Variants in ANKHD1 observed in about 807,000 individuals in gnomAD.
The protein encoded by ANKHD1 is ankyrin repeat and KH domain-containing protein 1.
Under a neutral mutation model 230.5 loss-of-function variants are expected in ANKHD1, and 31 were observed. The ratio of observed to expected loss-of-function variants is 0.13; its 90% CI spans 0.10 to 0.18. ANKHD1 has a LOEUF of 0.18. Among genes scored for constraint, ANKHD1 ranks in the 10% least tolerant of loss-of-function variants. The pLI is 1.00. For synonymous variants in ANKHD1, 1,074 were observed against 1,117.6 expected (o/e 0.96, Z 0.78); for missense variants, 2,256 against 3,071.3 (o/e 0.73, Z 6.27).
chr5:140,477,900 G>A (rs1751055416), intron 10 of ANKHD1, among the ~76,000 whole-genome samples: 1 of 152,088 alleles, frequency 6.6e-6, no homozygotes, highest in African/African-American at 2.4e-5. Flanking sequence ...ATGAGCCGCC[G>A]CGCCAAGCCA....
At chr5:140,524,388 G>A (rs1269109873) in intron 25 of ANKHD1, 148 bp downstream of exon 25, 1 of 1,343,388 alleles carries the variant, frequency 7.4e-7, no homozygotes, top group Non-Finnish European at 9.6e-7. Flanking sequence ...GTAAATATTT[G>A]TAAGTGTTTT....
intron 24 of ANKHD1, among the ~76,000 whole-genome samples, chr5:140,515,010 G>C (rs556389133): frequency 1.3e-5 from 2 of 150,340 alleles, no homozygotes; most frequent in African/African-American, 4.9e-5. Context: ...GGGCGCAGTA[G>C]CTCATGCCTG....
intron 20 of ANKHD1, among the ~76,000 whole-genome samples, chr5:140,508,214 C>T (rs1213741610): frequency 6.6e-6 from 1 of 152,176 alleles, no homozygotes; most frequent in Admixed American, 6.5e-5. Context: ...GTACTTTTCC[C>T]AACCTCAGCC....
chr5:140,448,486 A>G (rs530307891), intron 6 of ANKHD1, among the ~76,000 whole-genome samples: 1 of 152,268 alleles, frequency 6.6e-6, no homozygotes, highest in Admixed American at 6.5e-5. Context: ...GGTTCAACCA[A>G]TTTATACTCC....
At position 140,506,753 on chromosome 5, in the gene ANKHD1, A is replaced by T. The variant is rs1163719753; in HGVS notation, c.3409-82A>T. On this transcript the variant is annotated intron_variant, in intron 18 of 33. Coordinates refer to ENST00000360839, the MANE Select transcript of ANKHD1 (RefSeq NM_017747.3). The surrounding 1 kb of genome is among the most constrained non-coding windows in gnomAD (Gnocchi z 4.7). ...CAGATATTTAGATAAGGAAGTTATA[A>T]GTCCTGTTTCTTTGTGTTTCCTTCA... The T allele has an allele frequency of 3.2e-6, 5 of 1,564,864 alleles. No homozygotes were observed. Among genetic ancestry groups the T allele is most frequent in the Non-Finnish European group, 4.3e-6 (5 of 1,160,712 alleles).
rs1370566271 is a variant in ANKHD1, at chr5:140,506,160, A to G, written c.3408+291A>G. On this transcript the variant is annotated intron_variant, in intron 18 of 33. Coordinates refer to ENST00000360839, the MANE Select transcript of ANKHD1 (RefSeq NM_017747.3). This position sits in a 1 kb window ranked among gnomAD's most constrained non-coding sequence, Gnocchi z 4.7. ...TGGCCGATTTCAAACTCCTGGCCTC[A>G]AGCAATCCTCTCTCCTCGGCCTCCC... is the stretch of plus-strand genomic sequence containing the variant. Among the ~76,000 whole-genome samples the G allele has an allele frequency of 1.3e-5, 2 of 152,176 alleles. No individual in the cohort carries two copies. Among genetic ancestry groups the G allele is most frequent in the African/African-American group, 2.4e-5 (1 of 41,452 alleles).
chr5:140,469,998 A>G lies in ANKHD1; in HGVS notation c.1782+5222A>G, dbSNP rs535094514. On this transcript the variant is annotated intron_variant, in intron 10 of 33. Coordinates refer to ENST00000360839, the MANE Select transcript of ANKHD1 (RefSeq NM_017747.3). ...AAAAAAGGAGTTAATAGGTGCTTGCATATTTTAGAATACCATATGTTGTAT... is the reference window on the plus strand; with the variant it reads ...AAAAAAGGAGTTAATAGGTGCTTGCGTATTTTAGAATACCATATGTTGTAT... Among the ~76,000 whole-genome samples the G allele has an allele frequency of 9.2e-5, 14 of 152,170 alleles. No homozygotes were observed. In the South Asian group the frequency reaches 1.0e-3, roughly 11 times the overall value.
At chr5:140,536,718 A>G (rs1263461872) in intron 30 of ANKHD1, among the ~76,000 whole-genome samples, 1 of 152,222 alleles carries the variant, frequency 6.6e-6, no homozygotes, top group Non-Finnish European at 1.5e-5. Context: ...AAATATTGCC[A>G]CATTTTAGTT....
At chr5:140,449,661 CAAAA>C (rs1164180028) in intron 7 of ANKHD1, among the ~76,000 whole-genome samples, 2 of 87,478 alleles carry the variant, frequency 2.3e-5, no homozygotes, top group African/African-American at 8.6e-5. Flanking sequence ...GACTCGGTCT[CAAAA>C]AAAAAAAAAA....
intron 1 of ANKHD1, among the ~76,000 whole-genome samples, chr5:140,429,801 T>C (rs531822170): frequency 3.3e-5 from 5 of 152,334 alleles, no homozygotes. Context: ...TTAAAGCATA[T>C]TACTATTATT....
intron 23 of ANKHD1, among the ~76,000 whole-genome samples, chr5:140,513,137 T>C (rs561802378): frequency 3.9e-5 from 6 of 152,354 alleles, no homozygotes; most frequent in Admixed American, 3.3e-4. Flanking sequence ...GTGACTACAC[T>C]AAGGTACTAA....
At chr5:140,503,568 T>C (rs1463940792) in intron 15 of ANKHD1, among the ~76,000 whole-genome samples, 3 of 127,502 alleles carry the variant, frequency 2.4e-5, no homozygotes, top group African/African-American at 8.9e-5. Flanking sequence ...TTTTTTTTTT[T>C]TTTTTTTTTT....
rs1752058958 is a variant in ANKHD1, at chr5:140,496,752, G to A, written c.2478G>A (p.Glu826=). The part of the protein sequence containing the change: ...KIEELKKNRE[E]QVQKKKKILK... ...AAGAACTTAAAAAGAACAGAGAAGA[G>A]CAAGTCCAGAAGAAGAAGAAAATAT... Residue 826 remains glutamate (E), a synonymous_variant, in exon 15 of 34, where the codon GAG becomes GAA. Transcript: ENST00000360839. 6.2e-7 allele frequency: 1 copy of A among 1,613,862 alleles called. No homozygotes were observed. Among genetic ancestry groups the A allele is most frequent in the Non-Finnish European group, 8.5e-7 (1 of 1,179,962 alleles).
At chr5:140,438,247 TAGAA>T (rs1456256553) in intron 2 of ANKHD1, among the ~76,000 whole-genome samples, 1 of 152,220 alleles carries the variant, frequency 6.6e-6, no homozygotes, top group Non-Finnish European at 1.5e-5. Context: ...ATTGTAAAGG[TAGAA>T]AGACTAAAAC....
intron 24 of ANKHD1, among the ~76,000 whole-genome samples, chr5:140,516,779 C>T (rs1424147120): frequency 6.6e-6 from 1 of 151,472 alleles, no homozygotes; most frequent in African/African-American, 2.4e-5. Context: ...TAAAAGAGCT[C>T]CTGAAGGAAG....
rs956245849 is a variant in ANKHD1 at position 140,443,681 on chromosome 5, A to T, written c.914-2061A>T. On this transcript the variant is annotated intron_variant, in intron 5 of 33. Coordinates refer to ENST00000360839, the MANE Select transcript of ANKHD1 (RefSeq NM_017747.3). ...GGCGACAGAGCGAGACTCCGTCTATAAAAAAAAAAAAAAAAGAAAAATACT... is the reference window on the plus strand; with the variant it reads ...GGCGACAGAGCGAGACTCCGTCTATTAAAAAAAAAAAAAAAGAAAAATACT... Among the ~76,000 whole-genome samples, 481 of 128,230 alleles carry T rather than the reference A, an allele frequency of 3.8e-3. 3 individuals are homozygous for T. The highest frequency in any genetic ancestry group is 6.3e-3 in the Non-Finnish European group (400 of 63,202). The allele number at this position is 128,230 out of a possible 152,430, so 84.1% of individuals were successfully genotyped here.
chr5:140,456,218 A>G (rs1775176928), intron 7 of ANKHD1, among the ~76,000 whole-genome samples: 1 of 152,244 alleles, frequency 6.6e-6, no homozygotes, highest in Admixed American at 6.5e-5. Flanking sequence ...AGAGGATACA[A>G]ACAAATGGAA....
intron 24 of ANKHD1, among the ~76,000 whole-genome samples, chr5:140,519,079 T>G (rs1308344127): frequency 6.6e-6 from 1 of 152,200 alleles, no homozygotes; most frequent in East Asian, 1.9e-4. Context: ...ATAAGCAACT[T>G]CAGCAAAGTT....
At chr5:140,520,785 GGGGGGGA>G (rs1554093781) in intron 24 of ANKHD1, among the ~76,000 whole-genome samples, 1 of 133,012 alleles carries the variant, frequency 7.5e-6, no homozygotes, top group Non-Finnish European at 1.6e-5. Flanking sequence ...GTTGTGGGGT[GGGGGGGA>G]GGGGGGAGGG....
Sources: gnomAD v4.1 joint callset for allele counts (sites outside exome capture counted in the v4.1 genomes callset) on GRCh38, gnomAD v4.1.1 for gene constraint, Gnocchi (gnomAD v3.1) non-coding constraint, MANE v1.5 for transcripts, NCBI Gene and HGNC (gene_info 2026-07-23, HGNC 2026-07-21) for gene names.